The following CSMD1 variants were observed in gnomAD, a reference collection of about 807,000 sequenced individuals.
The protein encoded by CSMD1 is CUB and sushi domain-containing protein 1.
A neutral mutation model predicts 417.5 loss-of-function variants in CSMD1; 213 were observed. The ratio of observed to expected loss-of-function variants is 0.51; its 90% CI spans 0.46 to 0.57. The LOEUF is 0.57. Among genes scored for constraint, CSMD1 ranks in the 20% least tolerant of loss-of-function variants. The pLI is 0.00. For synonymous variants in CSMD1, 2,862 were observed against 1,736.8 expected (o/e 1.65, Z -16.11); for missense variants, 6,923 against 4,529.7 (o/e 1.53, Z -15.17).
intron 5 of CSMD1, among the ~76,000 whole-genome samples, chr8:3,798,373 G>C (rs529423954): frequency 1.3e-5 from 2 of 152,088 alleles, no homozygotes; most frequent in African/African-American, 4.8e-5. Context: ...TTAGCCTCTA[G>C]TTTTTTAATT....
At chr8:4,832,844 G>GGTGCAT (rs903242413) in intron 1 of CSMD1, among the ~76,000 whole-genome samples, 1 of 152,088 alleles carries the variant, frequency 6.6e-6, no homozygotes, top group African/African-American at 2.4e-5. Context: ...GATAAAAGCA[G>GGTGCAT]GTGCATGTGT....
chr8:4,723,102 A>G (rs919759555), intron 1 of CSMD1, among the ~76,000 whole-genome samples: 2 of 152,290 alleles, frequency 1.3e-5, no homozygotes, highest in Admixed American at 6.5e-5. Context: ...GGATACTTAT[A>G]TATCTGACTT....
At chr8:4,475,112 T>C (rs1316497477) in intron 2 of CSMD1, among the ~76,000 whole-genome samples, 3 of 152,186 alleles carry the variant, frequency 2.0e-5, no homozygotes, top group African/African-American at 7.2e-5. Flanking sequence ...TGGATATGTG[T>C]TTTAGGATGC....
At chr8:4,574,019 C>T (rs1240495389) in intron 2 of CSMD1, among the ~76,000 whole-genome samples, 5 of 152,182 alleles carry the variant, frequency 3.3e-5, no homozygotes, top group Non-Finnish European at 7.4e-5. Context: ...GCTGTGCTGG[C>T]AGCCAGAATT....
At position 2,961,163 on chromosome 8, in the gene CSMD1, T is replaced by C. The variant is rs376567471; in HGVS notation, c.9680A>G (p.Gln3227Arg). The C allele has an allele frequency of 6.9e-5, 110 of 1,601,158 alleles. No homozygotes were observed. Among genetic ancestry groups the C allele is most frequent in the Non-Finnish European group, 9.2e-5 (108 of 1,171,412 alleles). The part of the protein sequence containing the change: ...PDPGTPHFGI[Q>R]NSSRGYEVGS... The stretch of plus-strand genomic sequence containing the variant: ...TACCTCATAGCCTCTGGAGCTATTC[T>C]GTATTCCAAAGTGTGGCGTACCAGG... The change falls in exon 62 of 70, where the codon CAG (glutamine) becomes CGG (arginine). Residue 3227 changes from glutamine to arginine, a missense_variant. Transcript: ENST00000635120.
At chr8:4,099,020 GAATT>G (rs1363486550) in intron 3 of CSMD1, among the ~76,000 whole-genome samples, 3 of 152,120 alleles carry the variant, frequency 2.0e-5, no homozygotes, top group Admixed American at 6.5e-5. Flanking sequence ...CTCTTCAGCT[GAATT>G]AATAACAAAT....
At chr8:4,583,214 G>A (rs1057018257) in intron 2 of CSMD1, among the ~76,000 whole-genome samples, 3 of 152,334 alleles carry the variant, frequency 2.0e-5, no homozygotes, top group East Asian at 1.9e-4. Flanking sequence ...AGGAATGCGG[G>A]CACACGGCAC....
intron 23 of CSMD1, among the ~76,000 whole-genome samples, chr8:3,339,197 G>A (rs932458177): frequency 6.6e-6 from 1 of 151,896 alleles, no homozygotes; most frequent in Non-Finnish European, 1.5e-5. Flanking sequence ...AGTATTCCAT[G>A]GTGTATATGT....
intron 40 of CSMD1, among the ~76,000 whole-genome samples, chr8:3,145,966 G>C (rs1017997419): frequency 1.3e-5 from 2 of 152,208 alleles, no homozygotes; most frequent in Non-Finnish European, 1.5e-5. Flanking sequence ...CATGATCTCA[G>C]AGTTAAACCC....
chr8:4,605,364 G>C (rs997669876), intron 2 of CSMD1, among the ~76,000 whole-genome samples: 7 of 152,142 alleles, frequency 4.6e-5, no homozygotes, highest in African/African-American at 1.4e-4. Context: ...AGCAAAGAGA[G>C]GTTGAGTCCT....
At chr8:3,867,083 A>G (rs1326476731) in intron 5 of CSMD1, among the ~76,000 whole-genome samples, 1 of 152,210 alleles carries the variant, frequency 6.6e-6, no homozygotes, top group East Asian at 1.9e-4. Flanking sequence ...AGTTTTTTAA[A>G]AATATTGTAA....
intron 26 of CSMD1, among the ~76,000 whole-genome samples, chr8:3,254,083 C>T (rs1800468828): frequency 6.6e-6 from 1 of 152,288 alleles, no homozygotes; most frequent in South Asian, 2.1e-4. Context: ...GTGACAGAAT[C>T]TCTCAGCATT....
intron 2 of CSMD1, among the ~76,000 whole-genome samples, chr8:4,468,388 T>C (rs889911817): frequency 1.3e-5 from 2 of 152,226 alleles, no homozygotes; most frequent in Non-Finnish European, 2.9e-5. Context: ...GATAATATTT[T>C]GATTTTAAAC....
At chr8:3,206,251 G>A (rs952299236) in intron 30 of CSMD1, among the ~76,000 whole-genome samples, 12 of 113,422 alleles carry the variant, frequency 1.1e-4, no homozygotes, top group African/African-American at 3.7e-4. Context: ...TGTGTGGGGG[G>A]TATGTATGTG....
intron 8 of CSMD1, among the ~76,000 whole-genome samples, chr8:3,612,569 T>G (rs1801946624): frequency 6.6e-6 from 1 of 152,144 alleles, no homozygotes; most frequent in Non-Finnish European, 1.5e-5. Context: ...AAAGCAATTA[T>G]CAAAACATTT....
chr8:4,240,028 A>G (rs552798279), intron 3 of CSMD1, among the ~76,000 whole-genome samples: 55 of 152,372 alleles, frequency 3.6e-4, no homozygotes, highest in Non-Finnish European at 5.7e-4. Flanking sequence ...GAAGTCCCAC[A>G]TATTTCTTGA....
chr8:4,174,934 A>C (rs970509588), intron 3 of CSMD1, among the ~76,000 whole-genome samples: 1 of 151,078 alleles, frequency 6.6e-6, no homozygotes, highest in African/African-American at 2.4e-5. Flanking sequence ...TCAACTCCTT[A>C]ATTTAATATT....
intron 26 of CSMD1, among the ~76,000 whole-genome samples, chr8:3,279,768 G>A (rs544693297): frequency 6.6e-6 from 1 of 152,212 alleles, no homozygotes; most frequent in East Asian, 1.9e-4. Context: ...GTGTTAGAAA[G>A]GAGAAGTGCA....
chr8:3,443,377 G>C (rs1372760739), intron 12 of CSMD1, among the ~76,000 whole-genome samples: 1 of 152,096 alleles, frequency 6.6e-6, no homozygotes, highest in Non-Finnish European at 1.5e-5. Context: ...TATAGAATGA[G>C]CTCCAGAATT....
Sources: allele counts gnomAD v4.1 joint callset (sites outside exome capture counted in the v4.1 genomes callset), GRCh38; gene constraint gnomAD v4.1.1; transcripts MANE v1.5; gene names NCBI Gene and HGNC (gene_info 2026-07-23, HGNC 2026-07-21).